Variants in TTC28 observed in about 807,000 individuals in gnomAD.
TTC28 encodes the protein tetratricopeptide repeat domain 28.
In TTC28, 61 loss-of-function variants were observed where a neutral mutation model predicts 198.0. That is an observed-to-expected ratio of 0.31 (90% CI 0.25 to 0.38). The LOEUF is 0.38. TTC28 is among the 10% of genes least tolerant of loss of function. TTC28 has a pLI of 1.00. For synonymous variants in TTC28, 1,171 were observed against 1,297.8 expected (o/e 0.90, Z 2.10); for missense variants, 2,678 against 3,164.0 (o/e 0.85, Z 3.69).
At chr22:28,637,222 C>T (rs12169071) in intron 1 of TTC28, among the ~76,000 whole-genome samples, 5 of 151,764 alleles carry the variant, frequency 3.3e-5, no homozygotes, top group Admixed American at 6.6e-5. Context: ...GTGTTAGCCA[C>T]GAGGGTCTCG....
chr22:28,201,471 A>C (rs188217747), intron 5 of TTC28, among the ~76,000 whole-genome samples: 257 of 152,252 alleles, frequency 1.7e-3, no homozygotes, highest in Non-Finnish European at 2.9e-3. Flanking sequence ...CTGAAGAATC[A>C]GTAAGAATTA....
intron 2 of TTC28, among the ~76,000 whole-genome samples, chr22:28,344,877 G>C (rs1200750515): frequency 1.3e-5 from 2 of 152,172 alleles, no homozygotes; most frequent in Non-Finnish European, 2.9e-5. Context: ...AATATGAGCA[G>C]ATCTTTACAT....
intron 1 of TTC28, among the ~76,000 whole-genome samples, chr22:28,632,246 T>A (rs1443905589): frequency 6.9e-6 from 1 of 145,776 alleles, no homozygotes; most frequent in Non-Finnish European, 1.5e-5. Context: ...GTCCAAGTTA[T>A]ATTCAACTTT....
chr22:28,367,394 T>C (rs544916750), intron 2 of TTC28, among the ~76,000 whole-genome samples: 24 of 151,960 alleles, frequency 1.6e-4, no homozygotes, highest in Non-Finnish European at 2.5e-4. Context: ...AAGCAAATGA[T>C]AATGCAAACA....
chr22:28,428,566 A>T (rs2047383849), intron 2 of TTC28, among the ~76,000 whole-genome samples: 1 of 152,120 alleles, frequency 6.6e-6, no homozygotes, highest in Non-Finnish European at 1.5e-5. Flanking sequence ...ATCATATTAT[A>T]TCTGAATCTG....
intron 2 of TTC28, among the ~76,000 whole-genome samples, chr22:28,497,662 AG>A (rs766830828): frequency 6.6e-6 from 1 of 152,316 alleles, no homozygotes; most frequent in East Asian, 1.9e-4. Flanking sequence ...GTGGGCGGCT[AG>A]GGGATCGGAA....
intron 1 of TTC28, among the ~76,000 whole-genome samples, chr22:28,645,002 G>A (rs1205635420): frequency 3.3e-5 from 5 of 151,490 alleles, no homozygotes; most frequent in Admixed American, 6.6e-5. Context: ...AAAATTAGCC[G>A]GGCGTGGTGG....
intron 2 of TTC28, among the ~76,000 whole-genome samples, chr22:28,609,160 G>A (rs2050779217): frequency 1.3e-5 from 2 of 152,148 alleles, no homozygotes; most frequent in South Asian, 4.1e-4. Flanking sequence ...TATGTCTAAA[G>A]AATTAAGGGA....
intron 12 of TTC28, among the ~76,000 whole-genome samples, chr22:28,050,636 A>G (rs1458519004): frequency 6.6e-6 from 1 of 152,178 alleles, no homozygotes; most frequent in African/African-American, 2.4e-5. Context: ...GACCTGCCTG[A>G]GTCAGTGTTT....
chr22:28,679,415 A>C (rs1251531118), intron 1 of TTC28, among the ~76,000 whole-genome samples: 1 of 151,854 alleles, frequency 6.6e-6, no homozygotes, highest in Non-Finnish European at 1.5e-5. Context: ...ACACACCCAC[A>C]CACATCCACA....
chr22:28,650,923 A>C (rs1405410654), intron 1 of TTC28, among the ~76,000 whole-genome samples: 4 of 152,220 alleles, frequency 2.6e-5, no homozygotes, highest in African/African-American at 9.6e-5. Context: ...AGGAGTCAGC[A>C]AATGTTAGGT....
In TTC28 at chr22:28,112,166, A is replaced by C. The variant is rs1213940176; in HGVS notation, c.1442-3763T>G. ...CATATTATAATCATTTCAAAGACAT[A>C]GCTTGAGAAACATAATAGTATGTAT... On this transcript the variant is annotated intron_variant, in intron 6 of 22. Transcript: ENST00000397906. Among the ~76,000 whole-genome samples the C allele has an allele frequency of 2.0e-5, 3 of 152,324 alleles. No homozygotes were observed. In the East Asian group the frequency reaches 5.8e-4, roughly 29 times the overall value.
At chr22:28,515,006 T>C (rs1292091070) in intron 2 of TTC28, among the ~76,000 whole-genome samples, 1 of 152,234 alleles carries the variant, frequency 6.6e-6, no homozygotes, top group Non-Finnish European at 1.5e-5. Context: ...GAATACACAC[T>C]TGATGGCTCT....
chr22:28,524,196 A>G (rs750560732), intron 2 of TTC28, among the ~76,000 whole-genome samples: 3 of 152,174 alleles, frequency 2.0e-5, no homozygotes, highest in Non-Finnish European at 4.4e-5. Context: ...CGCTCAAAAA[A>G]TTAACGATCC....
chr22:28,633,263 A>G (rs1277482596), intron 1 of TTC28, among the ~76,000 whole-genome samples: 2 of 151,240 alleles, frequency 1.3e-5, no homozygotes, highest in Admixed American at 1.3e-4. Flanking sequence ...CTGGGCAACA[A>G]GAACAAGACT....
intron 2 of TTC28, among the ~76,000 whole-genome samples, chr22:28,472,552 ATGTGTGTGTGTG>A (rs3053555): frequency 3.7e-4 from 42 of 114,834 alleles, no homozygotes; most frequent in African/African-American, 8.9e-4. Flanking sequence ...GAAAATGTGT[ATGTGTGTGTGTG>A]TGTGTGTGTG....
intron 13 of TTC28, among the ~76,000 whole-genome samples, chr22:28,015,275 G>T (rs945936851): frequency 6.6e-6 from 1 of 152,132 alleles, no homozygotes; most frequent in Non-Finnish European, 1.5e-5. Flanking sequence ...GGCTGCCCAC[G>T]TGCATCCTCT....
At chr22:28,647,839 AAAAAT>A (rs961231288) in intron 1 of TTC28, among the ~76,000 whole-genome samples, 3 of 151,750 alleles carry the variant, frequency 2.0e-5, no homozygotes, top group Middle Eastern at 3.4e-3. Context: ...ACTCCCTCTC[AAAAAT>A]AAAATAAAAT....
At chr22:28,096,489 C>T in intron 10 of TTC28, 81 bp from the exon 11 acceptor site, 1 of 1,457,632 alleles carries the variant, frequency 6.9e-7, no homozygotes, top group Non-Finnish European at 9.3e-7. Flanking sequence ...GCCATCAAAT[C>T]CTGGGCAGAA....
Sources: gnomAD v4.1 joint callset for allele counts (sites outside exome capture counted in the v4.1 genomes callset) on GRCh38, gnomAD v4.1.1 for gene constraint, MANE v1.5 for transcripts, NCBI Gene and HGNC (gene_info 2026-07-23, HGNC 2026-07-21) for gene names.